EPB41L2: variants seen among roughly 807,000 people sequenced by gnomAD.
The protein encoded by EPB41L2 is erythrocyte membrane protein band 4.1 like 2.
A neutral mutation model predicts 113.0 loss-of-function variants in EPB41L2; 43 were observed. That is an observed-to-expected ratio of 0.38 (90% CI 0.30 to 0.49). EPB41L2 has a LOEUF of 0.49. Ranked by LOEUF, EPB41L2 falls within the 20% of genes least tolerant of loss-of-function variation. The pLI is 0.95. For synonymous variants in EPB41L2, 442 were observed against 436.7 expected (o/e 1.01, Z -0.15); for missense variants, 1,147 against 1,223.4 (o/e 0.94, Z 0.93).
chr6:131,029,963 T>C (rs1855078), intron 1 of EPB41L2, among the ~76,000 whole-genome samples: 24,917 of 151,244 alleles, frequency 0.16, 2,180 homozygotes, highest in African/African-American at 0.22. Flanking sequence ...TTTCCACACA[T>C]GTACAGTTTC....
chr6:131,023,758 T>TATATATAC (rs1554340610), intron 1 of EPB41L2, among the ~76,000 whole-genome samples: 16 of 63,904 alleles, frequency 2.5e-4, no homozygotes, highest in Admixed American at 4.2e-4. Flanking sequence ...TATATATAGA[T>TATATATAC]ATATAGATAT....
At position 130,858,400 on chromosome 6, in the gene EPB41L2, C is replaced by G. The variant is rs139982181; in HGVS notation, c.2911-157G>C. ...AGCAGGAAGATTTGAAATGGGTTCA[C>G]TGTCATTTTACAGACTGCTTCTCAT... On this transcript the variant is annotated intron_variant, in intron 18 of 19. Coordinates refer to ENST00000337057, the MANE Select transcript of EPB41L2 (RefSeq NM_001431.4). The G allele has an allele frequency of 9.9e-5, 55 of 557,412 alleles. No individual in the cohort carries two copies. In the East Asian group the frequency reaches 1.6e-3, roughly 16 times the overall value. The allele number at this position is 557,412 out of a possible 1,614,324, so 34.5% of individuals were successfully genotyped here.
intron 1 of EPB41L2, among the ~76,000 whole-genome samples, chr6:130,980,182 T>C (rs746888920): frequency 1.2e-4 from 19 of 152,128 alleles, no homozygotes; most frequent in South Asian, 6.2e-4. Context: ...AAAAATCTAA[T>C]GGCTACAGAT....
chr6:131,026,339 G>C (rs1186120014), intron 1 of EPB41L2, among the ~76,000 whole-genome samples: 1 of 152,194 alleles, frequency 6.6e-6, no homozygotes, highest in Non-Finnish European at 1.5e-5. Context: ...TGGCCAACAA[G>C]CAGAACACAC....
At position 130,908,845 on chromosome 6, in the gene EPB41L2, T is replaced by C. The variant is rs577645313; in HGVS notation, c.829A>G (p.Lys277Glu). Residue 277 changes from lysine to glutamate, a missense_variant, in exon 5 of 20, where the codon AAA becomes GAA. Coordinates refer to ENST00000337057, the MANE Select transcript of EPB41L2 (RefSeq NM_001431.4). ...CTTCTCAGTTGTCTCTTTATTTCTT[T>C]AGCAGGATCTAACCAGTTCTGCATG... The part of the protein sequence containing the change: ...PEQKNWLDPA[K>E]EIKRQLRNLP... The C allele has an allele frequency of 8.1e-6, 13 of 1,605,032 alleles. No individual in the cohort carries two copies. The Admixed American group carries it at 1.5e-4, about 19-fold the overall frequency.
chr6:130,938,121 C>T (rs1016058308), intron 3 of EPB41L2, among the ~76,000 whole-genome samples: 6 of 152,170 alleles, frequency 3.9e-5, no homozygotes, highest in South Asian at 2.1e-4. Flanking sequence ...GGAGATAGGA[C>T]GTGACACAAA....
In EPB41L2 at chr6:131,020,746, C is replaced by T. The variant is rs565460997; in HGVS notation, c.-15+42409G>A. Among the ~76,000 whole-genome samples the T allele has an allele frequency of 6.6e-5, 10 of 152,314 alleles. No homozygotes were observed. The South Asian group carries it at 2.1e-3, about 32-fold the overall frequency. ...AGGGGGGTTTCCCATGAGTCTTCGG[C>T]TCTTCAGCTCTTCAGCACTCATTGT... On this transcript the variant is annotated intron_variant, in intron 1 of 19. Transcript: ENST00000337057.
At chr6:131,037,105 G>C (rs966453808) in intron 1 of EPB41L2, among the ~76,000 whole-genome samples, 1 of 152,200 alleles carries the variant, frequency 6.6e-6, no homozygotes, top group Admixed American at 6.5e-5. Context: ...GGCAGCTAAT[G>C]TATTTGCTTA....
chr6:130,908,705 A>T, intron 5 of EPB41L2, 116 bp downstream of exon 5: 1 of 677,920 alleles, frequency 1.5e-6, no homozygotes, highest in Non-Finnish European at 2.4e-6. Context: ...TAGTATTATT[A>T]ACTTCTAAGA....
intron 3 of EPB41L2, among the ~76,000 whole-genome samples, chr6:130,937,015 G>A (rs948295507): frequency 2.0e-5 from 3 of 152,170 alleles, no homozygotes; most frequent in African/African-American, 7.2e-5. Flanking sequence ...TGCGCATAAG[G>A]TACAGAAGTT....
chr6:131,029,448 C>A (rs565542592), intron 1 of EPB41L2, among the ~76,000 whole-genome samples: 5 of 143,842 alleles, frequency 3.5e-5, no homozygotes, highest in Admixed American at 1.4e-4. Flanking sequence ...ATTCTGAAAA[C>A]CACCTGGCTA....
rs930849725 is a variant in EPB41L2, at chr6:130,894,538, T to A, written c.1390-97A>T. Reference sequence around the variant, plus strand: ...TTCAGATGTTTCTGTGAGAAGCAATTATTCTTCTCAAAAAAGGTAAATATT... The same window carrying A: ...TTCAGATGTTTCTGTGAGAAGCAATAATTCTTCTCAAAAAAGGTAAATATT... On this transcript the variant is annotated intron_variant, in intron 9 of 19. Coordinates refer to ENST00000337057, the MANE Select transcript of EPB41L2 (RefSeq NM_001431.4). The A allele has an allele frequency of 7.4e-6, 8 of 1,079,372 alleles. No homozygotes were observed. The East Asian group carries it at 1.7e-4, about 23-fold the overall frequency. 66.9% of individuals were successfully genotyped at this position (1,079,372 alleles called of 1,614,324 possible).
chr6:131,056,204 A>G (rs558807283), intron 1 of EPB41L2, among the ~76,000 whole-genome samples: 1 of 152,386 alleles, frequency 6.6e-6, no homozygotes, highest in Admixed American at 6.5e-5. Context: ...TTAATGCCAT[A>G]TGCAGAGGTT....
intron 1 of EPB41L2, among the ~76,000 whole-genome samples, chr6:131,039,967 A>C (rs1794116247): frequency 6.6e-6 from 1 of 152,246 alleles, no homozygotes; most frequent in South Asian, 2.1e-4. Context: ...CAAATAGCCC[A>C]CATTAATGAG....
chr6:130,884,257 C>A (rs1790211209), intron 12 of EPB41L2, among the ~76,000 whole-genome samples: 1 of 152,150 alleles, frequency 6.6e-6, no homozygotes, highest in South Asian at 2.1e-4. Context: ...ATCACTTGAA[C>A]CTGGGAGGCA....
chr6:130,939,464 A>C (rs1380251255), intron 3 of EPB41L2, among the ~76,000 whole-genome samples: 2 of 152,114 alleles, frequency 1.3e-5, no homozygotes, highest in Non-Finnish European at 2.9e-5. Flanking sequence ...CATGTTGGCC[A>C]GGCTGGTCTC....
At chr6:130,860,180 A>G (rs1781583980) in intron 18 of EPB41L2, among the ~76,000 whole-genome samples, 1 of 152,270 alleles carries the variant, frequency 6.6e-6, no homozygotes. Context: ...AGTCAAAGAC[A>G]AGGACAAGCT....
intron 1 of EPB41L2, among the ~76,000 whole-genome samples, chr6:130,984,195 C>T (rs1780003327): frequency 6.6e-6 from 1 of 152,160 alleles, no homozygotes; most frequent in Non-Finnish European, 1.5e-5. Flanking sequence ...GCTGTCATCT[C>T]CCATGATAAC....
chr6:130,954,678 T>C (rs1050233293), intron 3 of EPB41L2, among the ~76,000 whole-genome samples: 2 of 152,208 alleles, frequency 1.3e-5, no homozygotes, highest in African/African-American at 2.4e-5. Context: ...TTGCAAATCA[T>C]AGATGTTTTT....
Sources: allele counts gnomAD v4.1 joint callset (sites outside exome capture counted in the v4.1 genomes callset), GRCh38; gene constraint gnomAD v4.1.1; transcripts MANE v1.5; gene names NCBI Gene and HGNC (gene_info 2026-07-23, HGNC 2026-07-21).